The following DCX variants were observed in gnomAD, a reference collection of about 807,000 sequenced individuals.
DCX encodes doublecortin.
A neutral mutation model predicts 20.9 loss-of-function variants in DCX; 4 were observed. The ratio of observed to expected loss-of-function variants is 0.19; its 90% confidence interval spans 0.09 to 0.44. The LOEUF (loss-of-function observed/expected upper bound fraction) is 0.44, where lower values mean the gene tolerates loss of function less well. Among genes scored for constraint, DCX ranks in the 20% least tolerant of loss-of-function variants. DCX has a pLI of 0.99. For synonymous variants in DCX, 103 were observed against 111.4 expected (o/e 0.92, Z 0.47); for missense variants, 133 against 296.9 (o/e 0.45, Z 4.06).
At chrX:111,393,232 T>C (rs971574141) in intron 3 of DCX, among the ~76,000 whole-genome samples, 1 of 111,349 alleles carries the variant, frequency 9.0e-6, no homozygotes, top group Admixed American at 9.5e-5. Flanking sequence ...AACTGTCTTA[T>C]CTTTTCTTTT....
At chrX:111,342,339 TTATA>T (rs60045433) in intron 3 of DCX, among the ~76,000 whole-genome samples, 411 of 20,603 alleles carry the variant, frequency 0.02, 4 homozygotes, top group African/African-American at 0.029. Flanking sequence ...GAGCTAACTA[TTATA>T]TATATATATA....
At chrX:111,408,630 A>AAGAG (rs1928407178) in intron 2 of DCX, among the ~76,000 whole-genome samples, 1 of 71,466 alleles carries the variant, frequency 1.4e-5, no homozygotes, top group African/African-American at 5.2e-5. Flanking sequence ...AAAGAAAGAA[A>AAGAG]AGAGAAAGAA....
chrX:111,376,458 A>C (rs142302820), intron 3 of DCX, among the ~76,000 whole-genome samples: 4 of 112,326 alleles, frequency 3.6e-5, no homozygotes, highest in African/African-American at 1.3e-4. Context: ...AGAACTAATT[A>C]TGAATAAGTC....
chrX:111,410,486 A>C, intron 1 of DCX, 66 bp from the exon 2 acceptor site: 2 of 1,166,275 alleles, frequency 1.7e-6, no homozygotes, highest in East Asian at 6.0e-5. Flanking sequence ...GGAGAAGGAA[A>C]AAAGAAGGGA....
At chrX:111,375,880 C>T (rs1391083022) in intron 3 of DCX, among the ~76,000 whole-genome samples, 2 of 112,164 alleles carry the variant, frequency 1.8e-5, no homozygotes, top group Non-Finnish European at 3.8e-5. Flanking sequence ...TCCAGCTTCC[C>T]TTCCTTTGCC....
At chrX:111,375,460 T>C (rs1199155280) in intron 3 of DCX, among the ~76,000 whole-genome samples, 1 of 111,382 alleles carries the variant, frequency 9.0e-6, no homozygotes, top group African/African-American at 3.3e-5. Context: ...GAGCTTTCCA[T>C]GAGTAGTCTA....
In DCX at chrX:111,410,978, A is replaced by C. The variant is rs371169897; in HGVS notation, c.-22-558T>G. 300 of 1,193,895 alleles carry C rather than the reference A, an allele frequency of 2.5e-4. No individual in the cohort carries two copies. Among genetic ancestry groups the C allele is most frequent in the Non-Finnish European group, 3.3e-4 (290 of 881,645 alleles). On this transcript the variant is annotated intron_variant, in intron 1 of 6. Transcript: ENST00000636035. ...TATGAAGGGGGAGTGTTTTCATTTT[A>C]TTCCAAGCCCTCTTTCCTACTCTAA...
chrX:111,395,653 A>C (rs1301193294), intron 3 of DCX, among the ~76,000 whole-genome samples: 6 of 112,204 alleles, frequency 5.3e-5, no homozygotes, highest in Middle Eastern at 4.6e-3. Context: ...TGCTCAAGCC[A>C]ATCCTCCCAA....
chrX:111,398,167 A>AT (rs1927486055), intron 3 of DCX, among the ~76,000 whole-genome samples: 1 of 110,107 alleles, frequency 9.1e-6, no homozygotes, highest in Non-Finnish European at 1.9e-5. Context: ...CTGGTGGAAT[A>AT]TGCACTCCTT....
intron 2 of DCX, among the ~76,000 whole-genome samples, chrX:111,401,646 T>C (rs192608265): frequency 4.0e-4 from 45 of 112,496 alleles, no homozygotes; most frequent in Admixed American, 3.0e-3. Context: ...TTCTGGAATT[T>C]AAACATTTAT....
chrX:111,337,897 A>G (rs767737897), intron 3 of DCX, among the ~76,000 whole-genome samples: 6 of 112,312 alleles, frequency 5.3e-5, no homozygotes, highest in Non-Finnish European at 1.1e-4. Context: ...AGTCAGGATT[A>G]CACAAATAAT....
At chrX:111,307,990 A>G (rs1603412183) in intron 6 of DCX, among the ~76,000 whole-genome samples, 1 of 112,084 alleles carries the variant, frequency 8.9e-6, no homozygotes, top group Non-Finnish European at 1.9e-5. Flanking sequence ...GAGAGAATTC[A>G]TAGAACTAGG....
chrX:111,390,461 T>G (rs1926844241), intron 3 of DCX, among the ~76,000 whole-genome samples: 1 of 111,970 alleles, frequency 8.9e-6, no homozygotes, highest in Non-Finnish European at 1.9e-5. Context: ...AATAGACAAT[T>G]AATACACCCT....
intron 6 of DCX, among the ~76,000 whole-genome samples, chrX:111,307,640 A>G (rs1034849685): frequency 9.0e-6 from 1 of 111,688 alleles, no homozygotes; most frequent in African/African-American, 3.3e-5. Flanking sequence ...AACTGCAATC[A>G]TTCTATCTTT....
intron 3 of DCX, among the ~76,000 whole-genome samples, chrX:111,348,865 T>TAA (rs373998339): frequency 1.3e-4 from 13 of 97,585 alleles, no homozygotes; most frequent in African/African-American, 4.1e-4. Flanking sequence ...AAAGGTTTGT[T>TAA]AAAAAAAAAA....
chrX:111,294,946 T>C lies in DCX; in HGVS notation c.*6741A>G, dbSNP rs760652354. The C allele has an allele frequency of 8.9e-6, 1 of 112,278 alleles. No individual in the cohort carries two copies. The highest frequency in any genetic ancestry group is 2.8e-4 in the East Asian group (1 of 3,573). 9.3% of individuals were successfully genotyped at this position (112,278 alleles called of 1,213,427 possible). A position where few individuals can be genotyped will look rare whatever the true frequency, so the allele number is the denominator to read the frequency against. ...AACTTTCTCCCTTTGAAAATGGCCA[T>C]AAAAACATTTTCTGTACAAGTTTAA... is the stretch of plus-strand genomic sequence containing the variant. On this transcript the variant is annotated 3_prime_UTR_variant, in exon 7 of 7. Coordinates refer to ENST00000636035, the MANE Select transcript of DCX (RefSeq NM_001195553.2).
chrX:111,326,852 G>C (rs755836485), intron 5 of DCX, among the ~76,000 whole-genome samples: 60 of 111,524 alleles, frequency 5.4e-4, no homozygotes, highest in African/African-American at 1.9e-3. Flanking sequence ...TAAAGACTAA[G>C]GAATAAAGAA....
chrX:111,412,124 A>C lies in DCX; in HGVS notation c.-23+14T>G, dbSNP rs1415303157. On this transcript the variant is annotated intron_variant, in intron 1 of 6. Coordinates refer to ENST00000636035, the MANE Select transcript of DCX (RefSeq NM_001195553.2). ...TTACATTCTTCTTGAAAATCACTTA[A>C]AAGCCCCACTCACCGGTTTTCTGCT... The C allele has an allele frequency of 9.0e-6, 1 of 111,486 alleles. No homozygotes were observed. The highest frequency in any genetic ancestry group is 2.8e-4 in the East Asian group (1 of 3,536). 9.2% of individuals were successfully genotyped at this position (111,486 alleles called of 1,213,427 possible). A position where few individuals can be genotyped will look rare whatever the true frequency, so the allele number is the denominator to read the frequency against.
chrX:111,317,687 A>T (rs2095076150), intron 5 of DCX, among the ~76,000 whole-genome samples: 1 of 112,193 alleles, frequency 8.9e-6, no homozygotes, highest in African/African-American at 3.2e-5. Flanking sequence ...AATATCCATC[A>T]TCTATAAGGA....
Sources: gnomAD v4.1 joint callset for allele counts (sites outside exome capture counted in the v4.1 genomes callset) on GRCh38, gnomAD v4.1.1 for gene constraint, MANE v1.5 for transcripts, NCBI Gene and HGNC (gene_info 2026-07-23, HGNC 2026-07-21) for gene names.